Variants in IL2RA observed in about 807,000 individuals in gnomAD.
The protein encoded by IL2RA is interleukin-2 receptor subunit alpha.
Under a neutral mutation model 37.8 loss-of-function variants are expected in IL2RA, and 24 were observed. The observed-to-expected ratio is 0.63, with a 90% confidence interval of 0.46 to 0.89. The LOEUF (loss-of-function observed/expected upper bound fraction) is 0.89, where lower values mean the gene tolerates loss of function less well. Ranked by LOEUF, IL2RA falls within the 40% of genes least tolerant of loss-of-function variation. The probability of loss-of-function intolerance (pLI) is 0.00; values close to 1 mark genes in which losing one functional copy is unlikely to be tolerated. For missense variants in IL2RA, 319 were observed against 348.6 expected (o/e 0.92, Z 0.68); for synonymous variants, 125 against 114.6 (o/e 1.09, Z -0.58).
At chr10:6,051,817 C>CTTA (rs1554831667) in intron 1 of IL2RA, among the ~76,000 whole-genome samples, 1 of 33,664 alleles carries the variant, frequency 3.0e-5, no homozygotes, top group African/African-American at 9.2e-5. Flanking sequence ...TCATGCCCAG[C>CTTA]TATATATATA....
At position 6,046,914 on chromosome 10, in the gene IL2RA, G is replaced by T. The variant is rs1237459982; in HGVS notation, c.64+15174C>A. On this transcript the variant is annotated intron_variant, in intron 1 of 7. Transcript: ENST00000379959. This position sits in a 1 kb window ranked among gnomAD's most constrained non-coding sequence, Gnocchi z 4.8. ...AGGTGGCCACGTTTCCTAAGGACAT[G>T]GGAACTTAAGATGCAGGCAGGGATC... Among the ~76,000 whole-genome samples the T allele has an allele frequency of 2.6e-5, 4 of 152,186 alleles. No individual in the cohort carries two copies. Among genetic ancestry groups the T allele is most frequent in the Non-Finnish European group, 4.4e-5 (3 of 68,036 alleles).
Position 6,056,674 on chromosome 10 carries a change from A to T in IL2RA, c.64+5414T>A, listed in dbSNP as rs576587444. Among the ~76,000 whole-genome samples, 1 of 152,244 alleles carries T rather than the reference A, an allele frequency of 6.6e-6. No homozygotes were observed. Among genetic ancestry groups the T allele is most frequent in the South Asian group, 2.1e-4 (1 of 4,818 alleles). ...GAGACAGAGGCAGGAGAATCACTTGAACCCAGGAGCTGAAGGTTGCAGTGA... is the reference window on the plus strand; with the variant it reads ...GAGACAGAGGCAGGAGAATCACTTGTACCCAGGAGCTGAAGGTTGCAGTGA... On this transcript the variant is annotated intron_variant, in intron 1 of 7. Transcript: ENST00000379959. This position sits in a 1 kb window ranked among gnomAD's most constrained non-coding sequence, Gnocchi z 5.0.
rs1045240813 is a variant in IL2RA, at chr10:6,018,763, A to G, written c.728-644T>C. On this transcript the variant is annotated intron_variant, in intron 6 of 7. Transcript: ENST00000379959. This position sits in a 1 kb window ranked among gnomAD's most constrained non-coding sequence, Gnocchi z 5.1. ...CTGTAACTGGTTCATGCGAATTCTGAGTTACGTCAGTATCTGGATTAGTCT... is the reference window on the plus strand; with the variant it reads ...CTGTAACTGGTTCATGCGAATTCTGGGTTACGTCAGTATCTGGATTAGTCT... Among the ~76,000 whole-genome samples the G allele has an allele frequency of 4.6e-5, 7 of 152,138 alleles. No homozygotes were observed. The South Asian group carries it at 6.2e-4, about 13-fold the overall frequency.
rs1839210514 is a variant in IL2RA at position 6,012,848 on chromosome 10, A to C, written c.*24T>G. Reference sequence around the variant, plus strand: ...GTTGTCTGTTCCCGGCTTCTTACCAAGAAATTCTTGTTCTTTTGGTTTTCT... The same window carrying C: ...GTTGTCTGTTCCCGGCTTCTTACCACGAAATTCTTGTTCTTTTGGTTTTCT... On this transcript the variant is annotated 3_prime_UTR_variant, in exon 8 of 8. Coordinates refer to ENST00000379959, the MANE Select transcript of IL2RA (RefSeq NM_000417.3). The surrounding 1 kb of genome is among the most constrained non-coding windows in gnomAD (Gnocchi z 4.8). 3 of 1,612,450 alleles carry C rather than the reference A, an allele frequency of 1.9e-6. No individual in the cohort carries two copies. The highest frequency in any genetic ancestry group is 2.5e-6 in the Non-Finnish European group (3 of 1,178,556).
chr10:6,046,433 G>T lies in IL2RA; in HGVS notation c.64+15655C>A, dbSNP rs745836973. 2.0e-5 allele frequency among the ~76,000 whole-genome samples: 3 copies of T among 152,160 alleles called. No individual in the cohort carries two copies. The highest frequency in any genetic ancestry group is 4.4e-5 in the Non-Finnish European group (3 of 68,034). On this transcript the variant is annotated intron_variant, in intron 1 of 7. Coordinates refer to ENST00000379959, the MANE Select transcript of IL2RA (RefSeq NM_000417.3). This position sits in a 1 kb window ranked among gnomAD's most constrained non-coding sequence, Gnocchi z 4.8. Reference sequence around the variant, plus strand: ...TTCACAGATGCTACCCCAGACATCGGGTAAGACAATGACATTTCAGGCACT... The same window carrying T: ...TTCACAGATGCTACCCCAGACATCGTGTAAGACAATGACATTTCAGGCACT...
Position 6,048,231 on chromosome 10 carries a change from G to C in IL2RA, c.64+13857C>G, listed in dbSNP as rs186457206. ...AGAAGAGGGGTTGCTGGCGTTAAGA[G>C]ATTTTAGAAGTTGGAATTGCCAAAA... On this transcript the variant is annotated intron_variant, in intron 1 of 7. Coordinates refer to ENST00000379959, the MANE Select transcript of IL2RA (RefSeq NM_000417.3). This position sits in a 1 kb window ranked among gnomAD's most constrained non-coding sequence, Gnocchi z 5.3. Among the ~76,000 whole-genome samples, 1 of 152,212 alleles carries C rather than the reference G, an allele frequency of 6.6e-6. No homozygotes were observed. Among genetic ancestry groups the C allele is most frequent in the South Asian group, 2.1e-4 (1 of 4,830 alleles).
chr10:6,016,191 G>A (rs140856459), intron 7 of IL2RA, among the ~76,000 whole-genome samples: 228 of 152,242 alleles, frequency 1.5e-3, no homozygotes, highest in African/African-American at 5.2e-3. Context: ...TGCAGGAGTG[G>A]GTTTGTGATA....
chr10:6,056,709 G>A lies in IL2RA; in HGVS notation c.64+5379C>T, dbSNP rs1036886097. 6.6e-6 allele frequency among the ~76,000 whole-genome samples: 1 copy of A among 151,830 alleles called. No individual in the cohort carries two copies. Among genetic ancestry groups the A allele is most frequent in the Non-Finnish European group, 1.5e-5 (1 of 67,984 alleles). On this transcript the variant is annotated intron_variant, in intron 1 of 7. Coordinates refer to ENST00000379959, the MANE Select transcript of IL2RA (RefSeq NM_000417.3). This position sits in a 1 kb window ranked among gnomAD's most constrained non-coding sequence, Gnocchi z 5.0. ...CTGAAGGTTGCAGTGAGTTGAGATTGCACCACTGTGCTCTAGCCTGGGCGA... is the reference window on the plus strand; with the variant it reads ...CTGAAGGTTGCAGTGAGTTGAGATTACACCACTGTGCTCTAGCCTGGGCGA...
At chr10:6,059,623 A>C (rs1324503759) in intron 1 of IL2RA, among the ~76,000 whole-genome samples, 1 of 152,144 alleles carries the variant, frequency 6.6e-6, no homozygotes, top group African/African-American at 2.4e-5. Flanking sequence ...CCTCATCCTA[A>C]CTTTCCAGTT....
intron 1 of IL2RA, among the ~76,000 whole-genome samples, chr10:6,041,777 G>A (rs888522636): frequency 6.6e-6 from 1 of 152,124 alleles, no homozygotes; most frequent in African/African-American, 2.4e-5. Context: ...ATTATATGCA[G>A]ATATTTAGCA....
At chr10:6,013,832 A>AT (rs55729291) in intron 7 of IL2RA, among the ~76,000 whole-genome samples, 99,555 of 136,684 alleles carry the variant, frequency 0.73, 36,701 homozygotes, top group East Asian at 0.88. Context: ...AAATATTTTA[A>AT]TTTTTTTTTT....
intron 1 of IL2RA, among the ~76,000 whole-genome samples, chr10:6,052,983 C>G (rs1008647827): frequency 6.6e-6 from 1 of 152,160 alleles, no homozygotes; most frequent in African/African-American, 2.4e-5. Context: ...CTTAAGCCAT[C>G]CTGCAGGAGG....
intron 5 of IL2RA, among the ~76,000 whole-genome samples, 166 bp from the exon 6 acceptor site, chr10:6,019,665 G>C (rs765837986): frequency 1.3e-5 from 2 of 152,218 alleles, no homozygotes; most frequent in Non-Finnish European, 2.9e-5. Flanking sequence ...GACCGTGCTT[G>C]GTCCTGGTCC....
chr10:6,047,266 A>G lies in IL2RA; in HGVS notation c.64+14822T>C, dbSNP rs1839878068. 1.3e-5 allele frequency among the ~76,000 whole-genome samples: 2 copies of G among 152,154 alleles called. No homozygotes were observed. Among genetic ancestry groups the G allele is most frequent in the Non-Finnish European group, 2.9e-5 (2 of 68,012 alleles). ...CAGCACTCCATCCCGACCTCATACC[A>G]TGTGCACAGCACCTGATGCTGGTGG... On this transcript the variant is annotated intron_variant, in intron 1 of 7. Transcript: ENST00000379959. This position sits in a 1 kb window ranked among gnomAD's most constrained non-coding sequence, Gnocchi z 5.0.
At chr10:6,026,047 T>C in intron 1 of IL2RA, 22 bp from the exon 2 acceptor site, 1 of 1,611,924 alleles carries the variant, frequency 6.2e-7, no homozygotes, top group Non-Finnish European at 8.5e-7. Context: ...AAGAAGCCTA[T>C]TAGGAACTCA....
rs1035694001 is a variant in IL2RA, at chr10:6,047,208, C to G, written c.64+14880G>C. Among the ~76,000 whole-genome samples the G allele has an allele frequency of 2.0e-5, 3 of 152,218 alleles. No individual in the cohort carries two copies. Among genetic ancestry groups the G allele is most frequent in the African/African-American group, 7.2e-5 (3 of 41,460 alleles). On this transcript the variant is annotated intron_variant, in intron 1 of 7. Transcript: ENST00000379959. The surrounding 1 kb of genome is among the most constrained non-coding windows in gnomAD (Gnocchi z 5.0). Reference sequence around the variant, plus strand: ...GAAGGGGTTAATCAGACCATGTGGACACAGGTAGCCCAAGGAACAACCCCC... The same window carrying G: ...GAAGGGGTTAATCAGACCATGTGGAGACAGGTAGCCCAAGGAACAACCCCC...
In IL2RA at chr10:6,015,054, C is replaced by T. The variant is rs551804477; in HGVS notation, c.795-2158G>A. 6.6e-6 allele frequency among the ~76,000 whole-genome samples: 1 copy of T among 151,546 alleles called. No individual in the cohort carries two copies. Among genetic ancestry groups the T allele is most frequent in the South Asian group, 2.1e-4 (1 of 4,778 alleles). On this transcript the variant is annotated intron_variant, in intron 7 of 7. Transcript: ENST00000379959. The surrounding 1 kb of genome is among the most constrained non-coding windows in gnomAD (Gnocchi z 4.9). Reference sequence around the variant, plus strand: ...ATCAAGAGAGAGACAGAGGGAGTTTCTAGAGTTTACTTTTTCTTTTTCTTT... The same window carrying T: ...ATCAAGAGAGAGACAGAGGGAGTTTTTAGAGTTTACTTTTTCTTTTTCTTT...
chr10:6,047,526 C>T lies in IL2RA; in HGVS notation c.64+14562G>A, dbSNP rs1262572387. Among the ~76,000 whole-genome samples the T allele has an allele frequency of 6.6e-6, 1 of 152,158 alleles. No homozygotes were observed. Among genetic ancestry groups the T allele is most frequent in the Non-Finnish European group, 1.5e-5 (1 of 68,028 alleles). On this transcript the variant is annotated intron_variant, in intron 1 of 7. Transcript: ENST00000379959. The surrounding 1 kb of genome is among the most constrained non-coding windows in gnomAD (Gnocchi z 5.0). ...CGCAACACACTGCATGCCGAACACA[C>T]AGGAGAGCTCACACGCACAAATGTT...
In IL2RA at chr10:6,019,918, G is replaced by A. The variant is rs1839355420; in HGVS notation, c.607C>T (p.Pro203Ser). 1.2e-6 allele frequency: 2 copies of A among 1,614,034 alleles called. No individual in the cohort carries two copies. The highest frequency in any genetic ancestry group is 1.6e-4 in the Middle Eastern group (1 of 6,084). ...FPGEEKPQAS[P>S]EGRPESETSC... ...GTCTCACTCTCAGGACGGCCTTCGGGGCTTGCCTGAGGCTTCTCTTCACCT... is the reference window on the plus strand; with the variant it reads ...GTCTCACTCTCAGGACGGCCTTCGGAGCTTGCCTGAGGCTTCTCTTCACCT... The change falls in exon 5 of 8, where the codon CCC (proline) becomes TCC (serine). Residue 203 changes from proline (P) to serine (S), a missense_variant. Transcript: ENST00000379959.
Sources: gnomAD v4.1 joint callset for allele counts (sites outside exome capture counted in the v4.1 genomes callset) on GRCh38, gnomAD v4.1.1 for gene constraint, Gnocchi (gnomAD v3.1) non-coding constraint, MANE v1.5 for transcripts, NCBI Gene and HGNC (gene_info 2026-07-23, HGNC 2026-07-21) for gene names.